Variants in BBX observed in about 807,000 individuals in gnomAD.
BBX encodes BBX high mobility group box domain containing, also known as HMG box transcription factor BBX.
A neutral mutation model predicts 100.2 loss-of-function variants in BBX; 30 were observed. The ratio of observed to expected loss-of-function variants is 0.30; its 90% CI spans 0.22 to 0.41. The LOEUF is 0.41. Ranked by LOEUF, BBX falls within the 10% of genes least tolerant of loss-of-function variation. The pLI is 1.00. For synonymous variants in BBX, 376 were observed against 388.1 expected, an observed-to-expected ratio of 0.97 and a Z score of 0.37; for missense variants, 1,023 against 1,129.8, an observed-to-expected ratio of 0.91 and a Z score of 1.35.
intron 2 of BBX, among the ~76,000 whole-genome samples, chr3:107,578,460 A>T (rs955338701): frequency 1.3e-5 from 2 of 152,248 alleles, no homozygotes; most frequent in Non-Finnish European, 2.9e-5. Flanking sequence ...GGGTAAAGTT[A>T]TTAGAAACCT....
chr3:107,593,074 C>T (rs149581803), intron 2 of BBX, among the ~76,000 whole-genome samples: 17 of 152,296 alleles, frequency 1.1e-4, no homozygotes, highest in South Asian at 4.1e-4. Flanking sequence ...TTAACACCCT[C>T]GTTGGGAGTT....
chr3:107,792,558 C>T (rs1393684038), intron 15 of BBX, among the ~76,000 whole-genome samples: 1 of 152,098 alleles, frequency 6.6e-6, no homozygotes, highest in Non-Finnish European at 1.5e-5. Context: ...CATCAGCTTC[C>T]GTGTCATTTT....
At position 107,698,213 on chromosome 3, in the gene BBX, G is replaced by C. The variant is rs890247857; in HGVS notation, c.-9-12239G>C. Among the ~76,000 whole-genome samples the C allele has an allele frequency of 4.0e-5, 6 of 151,690 alleles. 1 individual carries two copies. Among genetic ancestry groups the C allele is most frequent in the Admixed American group, 2.0e-4 (3 of 15,254 alleles). ...GAGCTGTTCCTATTCGGCCATCTTGGCTCCTCCCGCCTTTTAATTATTTTA... is the reference window on the plus strand; with the variant it reads ...GAGCTGTTCCTATTCGGCCATCTTGCCTCCTCCCGCCTTTTAATTATTTTA... On this transcript the variant is annotated intron_variant, in intron 3 of 17. Transcript: ENST00000325805.
At chr3:107,753,988 TA>T (rs1473455056) in intron 9 of BBX, among the ~76,000 whole-genome samples, 3 of 152,192 alleles carry the variant, frequency 2.0e-5, no homozygotes, top group African/African-American at 7.2e-5. Context: ...ATTGAGAGCA[TA>T]ATATCTCTTC....
At chr3:107,638,778 TATACACAC>T (rs1364194601) in intron 2 of BBX, among the ~76,000 whole-genome samples, 5 of 21,622 alleles carry the variant, frequency 2.3e-4, no homozygotes, top group East Asian at 6.8e-3. Flanking sequence ...AAAAAAAAAG[TATACACAC>T]ACACACACAC....
At chr3:107,641,888 T>G (rs2057234441) in intron 2 of BBX, 1 of 152,232 alleles carries the variant, frequency 6.6e-6, no homozygotes, top group Admixed American at 6.5e-5. Flanking sequence ...AAGTTTTCTC[T>G]TTATTCATAG....
rs184922452 is a variant in BBX at position 107,636,044 on chromosome 3, C to T, written c.-83-9792C>T. On this transcript the variant is annotated intron_variant, in intron 2 of 17. Transcript: ENST00000325805. Reference sequence around the variant, plus strand: ...TTCAACAAAACTGTTAATTGTTCTACTCTCTGTCTCCTCTCCCTTTGGGCA... The same window carrying T: ...TTCAACAAAACTGTTAATTGTTCTATTCTCTGTCTCCTCTCCCTTTGGGCA... 4.6e-5 allele frequency among the ~76,000 whole-genome samples: 7 copies of T among 152,260 alleles called. 1 individual carries two copies. The East Asian group carries it at 1.2e-3, about 25-fold the overall frequency.
At chr3:107,595,718 G>GGA (rs1182971168) in intron 2 of BBX, among the ~76,000 whole-genome samples, 1 of 152,138 alleles carries the variant, frequency 6.6e-6, no homozygotes, top group African/African-American at 2.4e-5. Flanking sequence ...ACCTTACTCA[G>GGA]CAGTCACTAT....
chr3:107,640,260 A>G (rs573589155), intron 2 of BBX, among the ~76,000 whole-genome samples: 5 of 152,316 alleles, frequency 3.3e-5, no homozygotes, highest in African/African-American at 1.2e-4. Context: ...GAGAGAAAAA[A>G]GAGCAAATCA....
At chr3:107,557,726 T>C (rs963730898) in intron 2 of BBX, among the ~76,000 whole-genome samples, 2 of 152,342 alleles carry the variant, frequency 1.3e-5, no homozygotes, top group Non-Finnish European at 1.5e-5. Flanking sequence ...GGAGTAGATA[T>C]TAAAGCTCTA....
rs140479563 is a variant in BBX at position 107,778,374 on chromosome 3, C to T, written c.2058C>T (p.Ser686=). The change falls in exon 13 of 18, where the codon TCC becomes TCT. Residue 686 remains serine, a synonymous_variant. Transcript: ENST00000325805. ...TKPKEDCLLG[S]AKLDEEFEKK... ...TTCCCCTCTCCCCTTTTAATAGCTC[C>T]GCAAAGCTGGATGAAGAATTTGAAA... 99 of 1,613,100 alleles carry T rather than the reference C, an allele frequency of 6.1e-5. No homozygotes were observed. The African/African-American group carries it at 8.8e-4, about 14-fold the overall frequency.
Position 107,756,004 on chromosome 3 carries a change from G to A in BBX, c.906+326G>A, listed in dbSNP as rs997916789. ...GGTTATTTTCCCTTTTCTGATTCCC[G>A]TAAACCGTCTATAAATCTCCAGAAT... On this transcript the variant is annotated intron_variant, in intron 10 of 17. Coordinates refer to ENST00000325805, the MANE Select transcript of BBX (RefSeq NM_001142568.3). Among the ~76,000 whole-genome samples, 58 of 152,152 alleles carry A rather than the reference G, an allele frequency of 3.8e-4. 1 individual carries two copies. Among genetic ancestry groups the A allele is most frequent in the Middle Eastern group, 3.4e-3 (1 of 294 alleles).
chr3:107,783,254 C>T (rs1444214082), intron 13 of BBX, among the ~76,000 whole-genome samples: 2 of 151,948 alleles, frequency 1.3e-5, no homozygotes, highest in South Asian at 2.1e-4. Flanking sequence ...TTTCTTTTTT[C>T]ATCTGAAGTT....
intron 10 of BBX, among the ~76,000 whole-genome samples, chr3:107,770,552 T>C (rs6802705): frequency 0.41 from 62,193 of 152,034 alleles, 14,204 homozygotes; most frequent in East Asian, 0.88. Flanking sequence ...TATTAAAGGT[T>C]TCAGTGATTC....
At chr3:107,542,740 G>A (rs1457650913) in intron 2 of BBX, among the ~76,000 whole-genome samples, 1 of 152,174 alleles carries the variant, frequency 6.6e-6, no homozygotes, top group Admixed American at 6.5e-5. Flanking sequence ...GGTAAATGGT[G>A]TTGCTGGCAT....
chr3:107,657,275 T>C (rs1395133685), intron 3 of BBX: 2 of 152,200 alleles, frequency 1.3e-5, no homozygotes, highest in African/African-American at 2.4e-5. Context: ...ATATTTTAGA[T>C]TGAAGTATTC....
intron 3 of BBX, among the ~76,000 whole-genome samples, chr3:107,675,348 G>C (rs1423700210): frequency 6.6e-6 from 1 of 152,094 alleles, no homozygotes; most frequent in Admixed American, 6.6e-5. Context: ...GGAGGAAATC[G>C]TGCTCCCTCA....
intron 2 of BBX, among the ~76,000 whole-genome samples, chr3:107,579,233 T>C (rs1264509313): frequency 6.6e-6 from 1 of 152,230 alleles, no homozygotes; most frequent in Non-Finnish European, 1.5e-5. Context: ...TGTCAGAAGA[T>C]AGGTCTCGTA....
chr3:107,524,639 C>G (rs2047616876), intron 1 of BBX: 1 of 137,122 alleles, frequency 7.3e-6, no homozygotes, highest in African/African-American at 2.8e-5. Flanking sequence ...GAGGGAGAGA[C>G]AGAGAGAGAA....
Sources: allele counts gnomAD v4.1 joint callset (sites outside exome capture counted in the v4.1 genomes callset), GRCh38; gene constraint gnomAD v4.1.1; transcripts MANE v1.5; gene names NCBI Gene and HGNC (gene_info 2026-07-23, HGNC 2026-07-21).